ALCAM: variants seen among roughly 807,000 people sequenced by gnomAD.
The protein encoded by ALCAM is activated leukocyte cell adhesion molecule.
ALCAM carries 30 observed loss-of-function variants against 70.9 expected under a neutral mutation model. The ratio of observed to expected loss-of-function variants is 0.42; its 90% CI spans 0.32 to 0.57. The LOEUF (loss-of-function observed/expected upper bound fraction) is 0.57, where lower values mean the gene tolerates loss of function less well. ALCAM is among the 20% of genes least tolerant of loss of function. ALCAM has a pLI of 0.11. For missense variants in ALCAM, 591 were observed against 695.1 expected (o/e 0.85, Z 1.68); for synonymous variants, 249 against 242.5 (o/e 1.03, Z -0.25).
At position 105,547,487 on chromosome 3, in the gene ALCAM, A is replaced by G. The variant is rs9855810; in HGVS notation, c.1338A>G (p.Gln446=). Residue 446 remains glutamine, a synonymous_variant, in exon 11 of 16, where the codon CAA becomes CAG. Transcript: ENST00000306107. The part of the protein sequence containing the change: ...HVEGFPKPAI[Q]WTITGSGSVI... ...AAGGTTTTCCAAAGCCAGCCATTCA[A>G]TGGACAATTACTGGCAGTGGAAGCG... 174,014 of 1,610,392 alleles carry G rather than the reference A, an allele frequency of 0.11. 10,475 individuals carry two copies. The highest frequency in any genetic ancestry group is 0.12 in the Non-Finnish European group (145,338 of 1,177,508).
chr3:105,416,589 T>C (rs2107406263), intron 1 of ALCAM, among the ~76,000 whole-genome samples: 1 of 152,118 alleles, frequency 6.6e-6, no homozygotes, highest in Middle Eastern at 3.4e-3. Context: ...AATTGCTCCG[T>C]ATTGCTCCTC....
intron 3 of ALCAM, among the ~76,000 whole-genome samples, 172 bp from the exon 4 acceptor site, chr3:105,531,830 G>T (rs1939845989): frequency 6.6e-6 from 1 of 152,082 alleles, no homozygotes; most frequent in African/African-American, 2.4e-5. Flanking sequence ...ATAAATATTT[G>T]AAGGGGTAGA....
At chr3:105,449,853 C>G (rs2152590212) in intron 1 of ALCAM, among the ~76,000 whole-genome samples, 1 of 152,144 alleles carries the variant, frequency 6.6e-6, no homozygotes, top group Non-Finnish European at 1.5e-5. Flanking sequence ...AATGGTGGCA[C>G]AGTTTATACA....
intron 1 of ALCAM, among the ~76,000 whole-genome samples, chr3:105,484,977 C>T (rs760316310): frequency 3.7e-4 from 57 of 152,050 alleles, no homozygotes; most frequent in Non-Finnish European, 6.2e-4. Context: ...TAATACAAAT[C>T]TTGAAAACAT....
At chr3:105,558,988 CT>C (rs763621386) in intron 14 of ALCAM, among the ~76,000 whole-genome samples, 1 of 152,040 alleles carries the variant, frequency 6.6e-6, no homozygotes, top group East Asian at 1.9e-4. Context: ...GCCAAGACCC[CT>C]CTCTGCCTTG....
In ALCAM at chr3:105,547,181, T is replaced by C; in HGVS notation, c.1137T>C (p.Phe379=). 1 of 1,604,030 alleles carries C rather than the reference T, an allele frequency of 6.2e-7. No individual in the cohort carries two copies. Among genetic ancestry groups the C allele is most frequent in the Non-Finnish European group, 8.5e-7 (1 of 1,175,716 alleles). ...TCAGGCTTCGATCTAGCCCGTCATT[T>C]TCTAGTCTTCATTATCAGGATGCTG... The part of the protein sequence containing the change: ...DNIRLRSSPS[F]SSLHYQDAGN... Residue 379 remains phenylalanine, a synonymous_variant, in exon 10 of 16, where the codon TTT becomes TTC. Transcript: ENST00000306107.
At chr3:105,380,293 G>T (rs564013188) in intron 1 of ALCAM, among the ~76,000 whole-genome samples, 1 of 151,658 alleles carries the variant, frequency 6.6e-6, no homozygotes, top group African/African-American at 2.4e-5. Flanking sequence ...AAGTTGTTGG[G>T]TTGATTTTGT....
intron 1 of ALCAM, among the ~76,000 whole-genome samples, chr3:105,493,022 G>A (rs181704656): frequency 6.6e-6 from 1 of 151,750 alleles, no homozygotes; most frequent in East Asian, 1.9e-4. Context: ...TATTTTTTAG[G>A]TTTGATACAA....
intron 14 of ALCAM, among the ~76,000 whole-genome samples, chr3:105,563,720 G>T (rs566894985): frequency 1.9e-5 from 2 of 104,950 alleles, no homozygotes; most frequent in Non-Finnish European, 3.5e-5. Context: ...TCGCTCTGTC[G>T]CCCAGGCCGG....
chr3:105,389,305 CT>C (rs1275882051), intron 1 of ALCAM, among the ~76,000 whole-genome samples: 1 of 143,800 alleles, frequency 7.0e-6, no homozygotes, highest in Non-Finnish European at 1.5e-5. Flanking sequence ...GGTATGTTTG[CT>C]TAAAACGGAA....
intron 14 of ALCAM, among the ~76,000 whole-genome samples, chr3:105,563,303 T>C (rs1299066453): frequency 6.6e-6 from 1 of 152,028 alleles, no homozygotes; most frequent in Non-Finnish European, 1.5e-5. Flanking sequence ...TAATTTATTT[T>C]TTCTTTTATC....
At chr3:105,367,519 G>T in intron 1 of ALCAM, 38 bp downstream of exon 1, 1 of 1,611,084 alleles carries the variant, frequency 6.2e-7, no homozygotes, top group Non-Finnish European at 8.5e-7. Context: ...GACAGACGTG[G>T]GCCTGGAGCA....
At position 105,474,603 on chromosome 3, in the gene ALCAM, AAGAG is replaced by A. The variant is rs201990299; in HGVS notation, c.74-45451_74-45448del. On this transcript the variant is annotated intron_variant, in intron 1 of 15. Transcript: ENST00000306107. ...CTTAAGCCTTTTCTTGCGAAAAAAA[AAGAG>A]AGAGAGAGAGAGCGAGAAAGAAAAG... Among the ~76,000 whole-genome samples, 29 of 150,634 alleles carry A rather than the reference AAGAG, an allele frequency of 1.9e-4. 1 individual carries two copies. Among genetic ancestry groups the A allele is most frequent in the Non-Finnish European group, 3.7e-4 (25 of 67,448 alleles).
chr3:105,533,418 T>C (rs377006541), intron 4 of ALCAM, among the ~76,000 whole-genome samples, 185 bp from the exon 5 acceptor site: 100 of 152,302 alleles, frequency 6.6e-4, no homozygotes, highest in African/African-American at 2.3e-3. Flanking sequence ...AATAAATTGT[T>C]AAAAAGGTCT....
chr3:105,400,226 G>A (rs1480711393), intron 1 of ALCAM, among the ~76,000 whole-genome samples: 1 of 152,084 alleles, frequency 6.6e-6, no homozygotes, highest in African/African-American at 2.4e-5. Context: ...TTTTCTTATA[G>A]CATGTTTGTG....
At position 105,367,488 on chromosome 3, in the gene ALCAM, A is replaced by C; in HGVS notation, c.73+7A>C. Reference sequence around the variant, plus strand: ...GCCACCGTCTTCAGGCCAGGTGAGCAAGGGCCTGGGAGCAGCCCCAGACAG... The same window carrying C: ...GCCACCGTCTTCAGGCCAGGTGAGCCAGGGCCTGGGAGCAGCCCCAGACAG... On this transcript the variant is annotated splice_region_variant and intron_variant, in intron 1 of 15. Transcript: ENST00000306107. 6.2e-7 allele frequency: 1 copy of C among 1,614,012 alleles called. No homozygotes were observed. Among genetic ancestry groups the C allele is most frequent in the Non-Finnish European group, 8.5e-7 (1 of 1,179,912 alleles).
intron 1 of ALCAM, among the ~76,000 whole-genome samples, chr3:105,463,531 T>C (rs1479433269): frequency 1.3e-5 from 2 of 151,494 alleles, no homozygotes; most frequent in Non-Finnish European, 3.0e-5. Flanking sequence ...AAAACTTTCT[T>C]GTTAAATTTT....
chr3:105,461,388 A>C (rs1937603394), intron 1 of ALCAM, among the ~76,000 whole-genome samples: 1 of 151,922 alleles, frequency 6.6e-6, no homozygotes, highest in South Asian at 2.1e-4. Flanking sequence ...ACAGGATACT[A>C]GTTTGAGACC....
chr3:105,539,627 T>C (rs886603084), intron 6 of ALCAM, among the ~76,000 whole-genome samples: 4 of 152,068 alleles, frequency 2.6e-5, no homozygotes, highest in Non-Finnish European at 5.9e-5. Context: ...AACTATAAGA[T>C]TCATATAATA....
Sources: allele counts gnomAD v4.1 joint callset (sites outside exome capture counted in the v4.1 genomes callset), GRCh38; gene constraint gnomAD v4.1.1; transcripts MANE v1.5; gene names NCBI Gene and HGNC (gene_info 2026-07-23, HGNC 2026-07-21).